Variants in WSB1 observed in about 807,000 individuals in gnomAD.
WSB1 encodes the protein WD repeat and SOCS box containing 1.
WSB1 carries 23 observed loss-of-function variants against 50.2 expected under a neutral mutation model. That is an observed-to-expected ratio of 0.46 (90% CI 0.33 to 0.65). The LOEUF is 0.65. WSB1 is among the 30% of genes least tolerant of loss of function. WSB1 has a pLI of 0.02. For synonymous variants in WSB1, 179 were observed against 172.0 expected, an observed-to-expected ratio of 1.04 and a Z score of -0.32; for missense variants, 492 against 522.3, an observed-to-expected ratio of 0.94 and a Z score of 0.56.
intron 6 of WSB1, 74 bp from the exon 7 acceptor site, chr17:27,309,987 A>T: frequency 2.6e-6 from 3 of 1,146,924 alleles, no homozygotes; most frequent in South Asian, 2.5e-5. Flanking sequence ...TCAAAGACAG[A>T]TGTACTTTGT....
chr17:27,312,389 T>TAC lies in WSB1; in HGVS notation c.*21_*22insCA, dbSNP rs748114651. ...ATTTAGAAGATTCTGCCTTCCCTAG[T>TAC]AGTAGGGACTGACAGAATACACTTA... is the stretch of plus-strand genomic sequence containing the variant. On this transcript the variant is annotated 3_prime_UTR_variant, in exon 9 of 9. Coordinates refer to ENST00000262394, the MANE Select transcript of WSB1 (RefSeq NM_015626.10). 5 of 1,612,238 alleles carry TAC rather than the reference T, an allele frequency of 3.1e-6. No homozygotes were observed. Among genetic ancestry groups the TAC allele is most frequent in the Non-Finnish European group, 4.2e-6 (5 of 1,179,674 alleles).
intron 3 of WSB1, among the ~76,000 whole-genome samples, chr17:27,304,305 A>AT (rs1206668057): frequency 5.9e-5 from 9 of 151,860 alleles, no homozygotes; most frequent in East Asian, 3.9e-4. Context: ...AGTTAAATAC[A>AT]TTTTTTTTCA....
At chr17:27,311,731 A>G in intron 8 of WSB1, 115 bp downstream of exon 8, 1 of 777,248 alleles carries the variant, frequency 1.3e-6, no homozygotes, top group Non-Finnish European at 1.9e-6. Flanking sequence ...TTCCAGTTCA[A>G]GGAGATTCTC....
intron 4 of WSB1, among the ~76,000 whole-genome samples, chr17:27,306,202 C>CT (rs907711059): frequency 0.22 from 13,890 of 63,100 alleles, 4,476 homozygotes; most frequent in South Asian, 0.27. Flanking sequence ...AGAATTCTGT[C>CT]TTTTTTTTTT....
At chr17:27,310,668 T>G (rs1160247052) in intron 7 of WSB1, among the ~76,000 whole-genome samples, 1 of 152,180 alleles carries the variant, frequency 6.6e-6, no homozygotes, top group East Asian at 1.9e-4. Context: ...TGACGTCAAT[T>G]CATAAGGCAG....
At chr17:27,303,853 A>C (rs898723664) in intron 3 of WSB1, 2 of 511,310 alleles carry the variant, frequency 3.9e-6, no homozygotes, top group Non-Finnish European at 6.7e-6. Context: ...CTCTTTAGAG[A>C]GTATTACAGT....
chr17:27,302,101 T>C lies in WSB1; in HGVS notation c.209+145T>C, dbSNP rs570937444. On this transcript the variant is annotated intron_variant, in intron 2 of 8. Coordinates refer to ENST00000262394, the MANE Select transcript of WSB1 (RefSeq NM_015626.10). ...TTTAATCATGGGCTGAATATATTTA[T>C]TGGAAATTTTGTGTAAAGAATTCTT... The C allele has an allele frequency of 2.8e-6, 3 of 1,086,760 alleles. No individual in the cohort carries two copies. The African/African-American group carries it at 5.0e-5, about 18-fold the overall frequency. 67.3% of individuals were successfully genotyped at this position (1,086,760 alleles called of 1,614,324 possible).
intron 1 of WSB1, chr17:27,297,397 G>A (rs2017023542): frequency 6.6e-6 from 1 of 151,770 alleles, no homozygotes; most frequent in Admixed American, 6.6e-5. Flanking sequence ...TGGAACTCCT[G>A]ACCTCAGGTG....
At chr17:27,306,908 C>A in intron 5 of WSB1, 26 bp downstream of exon 5, 1 of 1,599,884 alleles carries the variant, frequency 6.3e-7, no homozygotes, top group Non-Finnish European at 8.6e-7. Flanking sequence ...CTTGTACATT[C>A]ATTATGAATT....
In WSB1 at chr17:27,309,243, A is replaced by G. The variant is rs2017574988; in HGVS notation, c.855A>G (p.Pro285=). Residue 285 remains proline (P), a synonymous_variant, in exon 6 of 9, where the codon CCA becomes CCG. Coordinates refer to ENST00000262394, the MANE Select transcript of WSB1 (RefSeq NM_015626.10). ...ATACTCGAGTATATATCTGGGATCCACATAATGGAGACATTCTGATGGAAT... is the reference window on the plus strand; with the variant it reads ...ATACTCGAGTATATATCTGGGATCCGCATAATGGAGACATTCTGATGGAAT... ...SYDTRVYIWD[P]HNGDILMEFG... The G allele has an allele frequency of 3.1e-6, 5 of 1,609,796 alleles. No homozygotes were observed. Among genetic ancestry groups the G allele is most frequent in the Non-Finnish European group, 4.2e-6 (5 of 1,177,920 alleles).
In WSB1 at chr17:27,314,220, T is replaced by A. The variant is rs1242624968; in HGVS notation, c.*1851T>A. On this transcript the variant is annotated 3_prime_UTR_variant, in exon 9 of 9. Coordinates refer to ENST00000262394, the MANE Select transcript of WSB1 (RefSeq NM_015626.10). The stretch of plus-strand genomic sequence containing the variant: ...AGAAGCACAAGAAGCATCTAATCTT[T>A]ATACTTCTTGTGACTTTTTTTCCCC... 1 of 152,188 alleles carries A rather than the reference T, an allele frequency of 6.6e-6. No homozygotes were observed. The highest frequency in any genetic ancestry group is 1.5e-5 in the Non-Finnish European group (1 of 68,018). 9.4% of individuals were successfully genotyped at this position (152,188 alleles called of 1,614,324 possible).
At position 27,301,943 on chromosome 17, in the gene WSB1, T is replaced by A. The variant is rs746340305; in HGVS notation, c.196T>A (p.Cys66Ser). 1 of 1,585,318 alleles carries A rather than the reference T, an allele frequency of 6.3e-7. No individual in the cohort carries two copies. The highest frequency in any genetic ancestry group is 1.2e-5 in the South Asian group (1 of 86,142). The change falls in exon 2 of 9, where the codon TGC becomes AGC. Residue 66 changes from cysteine (C) to serine (S), a missense_variant. Coordinates refer to ENST00000262394, the MANE Select transcript of WSB1 (RefSeq NM_015626.10). The part of the protein sequence containing the change: ...RTVKLVPWSQ[C>S]LQNFLLHGTK... ...AGTAAAGCTTGTTCCGTGGTCCCAG[T>A]GCCTTCAGAACTTGTAAGACTGTTA...
chr17:27,301,801 T>C lies in WSB1; in HGVS notation c.54T>C (p.Thr18=). The change falls in exon 2 of 9, where the codon ACT becomes ACC. Residue 18 remains threonine (T), a synonymous_variant. Coordinates refer to ENST00000262394, the MANE Select transcript of WSB1 (RefSeq NM_015626.10). ...TTTTCCTTTTAGTGAGATTACGTAC[T>C]ATAGGTGAACTTTTAGCTCCTGCAG... The part of the protein sequence containing the change: ...VNEKEIVRLR[T]IGELLAPAAP... The C allele has an allele frequency of 1.2e-6, 2 of 1,614,112 alleles. No individual in the cohort carries two copies. Among genetic ancestry groups the C allele is most frequent in the Non-Finnish European group, 1.7e-6 (2 of 1,179,974 alleles).
intron 1 of WSB1, among the ~76,000 whole-genome samples, chr17:27,299,841 C>T (rs2017151173): frequency 6.6e-6 from 1 of 152,018 alleles, no homozygotes; most frequent in South Asian, 2.1e-4. Context: ...TCTCTTAGGT[C>T]AGAATCAGTA....
intron 1 of WSB1, among the ~76,000 whole-genome samples, chr17:27,295,842 T>TC (rs1052544773): frequency 4.0e-4 from 26 of 64,556 alleles, no homozygotes; most frequent in Non-Finnish European, 7.6e-4. Context: ...TCTCTCTCTC[T>TC]TTTTTTTTTT....
At chr17:27,296,266 G>A (rs560512601) in intron 1 of WSB1, among the ~76,000 whole-genome samples, 6 of 150,242 alleles carry the variant, frequency 4.0e-5, no homozygotes, top group Non-Finnish European at 8.9e-5. Flanking sequence ...TTCATATTTA[G>A]GTCTCAGTGT....
intron 1 of WSB1, among the ~76,000 whole-genome samples, chr17:27,300,963 A>T (rs1040468739): frequency 3.3e-5 from 5 of 152,030 alleles, no homozygotes; most frequent in African/African-American, 1.2e-4. Flanking sequence ...GCTTACTGCA[A>T]CTTCCGCCTC....
chr17:27,312,358 T>A lies in WSB1; in HGVS notation c.1255T>A (p.Tyr419Asn), dbSNP rs1303476587. 2 of 1,613,940 alleles carry A rather than the reference T, an allele frequency of 1.2e-6. No homozygotes were observed. Among genetic ancestry groups the A allele is most frequent in the Non-Finnish European group, 1.7e-6 (2 of 1,180,016 alleles). Residue 419 changes from tyrosine (Y) to asparagine (N), a missense_variant, in exon 9 of 9, where the codon TAT (tyrosine) becomes AAT (asparagine). Physicochemically the swap from Tyr to Asn is moderately radical, Grantham distance 143. Transcript: ENST00000262394. Reference sequence around the variant, plus strand: ...TTCCAAGCTTTTGGAGTTTCTCTCGTATCGTATTTAGAAGATTCTGCCTTC... The same window carrying A: ...TTCCAAGCTTTTGGAGTTTCTCTCGAATCGTATTTAGAAGATTCTGCCTTC... The part of the protein sequence containing the change: ...IPSKLLEFLS[Y>N]RI
At chr17:27,308,746 G>A (rs2017555817) in intron 5 of WSB1, 1 of 987,404 alleles carries the variant, frequency 1.0e-6, no homozygotes. Flanking sequence ...AAAAGAGAAG[G>A]GGGTTTGTAG....
Sources: allele counts gnomAD v4.1 joint callset (sites outside exome capture counted in the v4.1 genomes callset), GRCh38; gene constraint gnomAD v4.1.1; transcripts MANE v1.5; gene names NCBI Gene and HGNC (gene_info 2026-07-23, HGNC 2026-07-21).